Variants in FAM228B observed in about 807,000 individuals in gnomAD.
FAM228B encodes family with sequence similarity 228 member B.
Under a neutral mutation model 42.6 loss-of-function variants are expected in FAM228B, and 38 were observed. That is an observed-to-expected ratio of 0.89 (90% CI 0.69 to 1.17). FAM228B has a LOEUF of 1.17. Ranked by LOEUF, FAM228B falls within the 50% of genes most tolerant of loss-of-function variation. The pLI is 0.00. For synonymous variants in FAM228B, 109 were observed against 122.3 expected (o/e 0.89, Z 0.72); for missense variants, 344 against 367.3 (o/e 0.94, Z 0.52).
Position 24,077,963 on chromosome 2 carries a change from T to C in FAM228B, c.-290+994T>C, listed in dbSNP as rs1272893735. On this transcript the variant is annotated intron_variant, in intron 1 of 10. Transcript: ENST00000613899. The surrounding 1 kb of genome is among the most constrained non-coding windows in gnomAD (Gnocchi z 5.5). ...CTCAGAATATGTCCGATAGGTATATTGTTAATTTTGAGGTGAAAGCATTGG... is the reference window on the plus strand; with the variant it reads ...CTCAGAATATGTCCGATAGGTATATCGTTAATTTTGAGGTGAAAGCATTGG... 1.3e-5 allele frequency among the ~76,000 whole-genome samples: 2 copies of C among 152,188 alleles called. No homozygotes were observed. The highest frequency in any genetic ancestry group is 2.4e-5 in the African/African-American group (1 of 41,442).
At chr2:24,147,916 C>CTT (rs34823316) in intron 7 of FAM228B, among the ~76,000 whole-genome samples, 12 of 119,198 alleles carry the variant, frequency 1.0e-4, no homozygotes, top group African/African-American at 2.2e-4. Flanking sequence ...TTTGCCTTGC[C>CTT]TTTTTTTTTT....
chr2:24,108,055 A>G (rs1265713630), intron 3 of FAM228B, among the ~76,000 whole-genome samples: 1 of 152,222 alleles, frequency 6.6e-6, no homozygotes, highest in East Asian at 1.9e-4. Flanking sequence ...AAACGAGAGA[A>G]GATCCAAATA....
chr2:24,147,524 A>T (rs914363590), intron 7 of FAM228B, among the ~76,000 whole-genome samples: 1 of 152,088 alleles, frequency 6.6e-6, no homozygotes, highest in Non-Finnish European at 1.5e-5. Context: ...TATGTATATT[A>T]GATCACTTGA....
chr2:24,128,887 A>C (rs927903318), intron 2 of FAM228B, among the ~76,000 whole-genome samples: 4 of 151,806 alleles, frequency 2.6e-5, no homozygotes, highest in African/African-American at 9.7e-5. Context: ...AAACCTCTCC[A>C]AATACTCTAC....
rs1488149068 is a variant in FAM228B, at chr2:24,084,670, C to T, written c.-210+3715C>T. 1.4e-5 allele frequency: 3 copies of T among 213,484 alleles called. No individual in the cohort carries two copies. The highest frequency in any genetic ancestry group is 2.8e-5 in the Non-Finnish European group (3 of 108,304). The allele number at this position is 213,484 out of a possible 1,614,324, so 13.2% of individuals were successfully genotyped here. A position where few individuals can be genotyped will look rare whatever the true frequency, so the allele number is the denominator to read the frequency against. On this transcript the variant is annotated intron_variant, in intron 2 of 10. Coordinates refer to the FAM228B transcript ENST00000613899. The surrounding 1 kb of genome is among the most constrained non-coding windows in gnomAD (Gnocchi z 8.4). ...CGAAGAGGATCAGGCAAATCACACT[C>T]CCTCTGAGTTGGAAGCCCCCAGCCC...
chr2:24,130,581 T>C (rs1318424321), intron 2 of FAM228B, among the ~76,000 whole-genome samples: 1 of 152,206 alleles, frequency 6.6e-6, no homozygotes, highest in Non-Finnish European at 1.5e-5. Flanking sequence ...ATTTTTTTCA[T>C]GTGTTTGTTG....
chr2:24,145,407 C>G (rs1163470291), intron 5 of FAM228B, among the ~76,000 whole-genome samples: 1 of 152,210 alleles, frequency 6.6e-6, no homozygotes, highest in Admixed American at 6.5e-5. Flanking sequence ...TATACTGTTG[C>G]ACGCACCCAG....
intron 3 of FAM228B, among the ~76,000 whole-genome samples, chr2:24,104,147 T>G (rs1438415619): frequency 5.3e-5 from 8 of 152,160 alleles, no homozygotes; most frequent in Non-Finnish European, 7.4e-5. Flanking sequence ...GGGCTCAGCA[T>G]GGAGCCAGGA....
intron 7 of FAM228B, among the ~76,000 whole-genome samples, chr2:24,156,690 A>C (rs1207394667): frequency 6.6e-6 from 1 of 151,592 alleles, no homozygotes; most frequent in African/African-American, 2.4e-5. Flanking sequence ...CATAAACCAA[A>C]TTCCCATTCT....
chr2:24,099,235 C>T (rs1380757480), intron 3 of FAM228B, among the ~76,000 whole-genome samples: 3 of 152,120 alleles, frequency 2.0e-5, no homozygotes, highest in African/African-American at 7.2e-5. Context: ...ACAAGGATTC[C>T]ACTCCTACGC....
intron 2 of FAM228B, among the ~76,000 whole-genome samples, chr2:24,126,718 C>T (rs922814678): frequency 4.2e-4 from 63 of 151,762 alleles, no homozygotes; most frequent in Non-Finnish European, 1.3e-4. Flanking sequence ...TCACGCCATT[C>T]TCCTGCCTCA....
intron 7 of FAM228B, among the ~76,000 whole-genome samples, chr2:24,158,878 C>T (rs1667223559): frequency 6.6e-6 from 1 of 152,158 alleles, no homozygotes; most frequent in South Asian, 2.1e-4. Flanking sequence ...CTTGAAATGA[C>T]AGGAATCTAT....
chr2:24,143,686 G>T (rs1232937705), intron 5 of FAM228B, among the ~76,000 whole-genome samples: 1 of 152,002 alleles, frequency 6.6e-6, no homozygotes, highest in Non-Finnish European at 1.5e-5. Context: ...TCAGGAAATA[G>T]AGTTATTTTT....
intron 3 of FAM228B, among the ~76,000 whole-genome samples, chr2:24,115,939 A>G (rs1297094104): frequency 2.0e-5 from 3 of 150,614 alleles, no homozygotes; most frequent in Non-Finnish European, 4.4e-5. Flanking sequence ...TGAATAATGC[A>G]TATGGCTGGG....
chr2:24,146,937 A>G lies in FAM228B; in HGVS notation c.537A>G (p.Ile179Met), dbSNP rs1413592743. 3.9e-6 allele frequency: 6 copies of G among 1,550,934 alleles called. No individual in the cohort carries two copies. In the African/African-American group the frequency reaches 8.2e-5, roughly 21 times the overall value. Residue 179 changes from isoleucine (I) to methionine (M), a missense_variant, in exon 7 of 11, where the codon ATA (isoleucine) becomes ATG (methionine). Coordinates refer to ENST00000615575, the MANE Select transcript of FAM228B (RefSeq NM_001145710.2). ...TTTTTATTCTTCCTTCAGGCAAAAT[A>G]TATTCAATAAAGGAATTCAAAGAAG... ...RTLLQCETGK[I>M]YSIKEFKEVE...
intron 7 of FAM228B, among the ~76,000 whole-genome samples, chr2:24,160,574 A>T (rs1297831653): frequency 6.6e-6 from 1 of 151,956 alleles, no homozygotes; most frequent in African/African-American, 2.4e-5. Context: ...TGATATTAAG[A>T]TTTTAATTTC....
At chr2:24,168,496 G>A (rs1004525846) in intron 10 of FAM228B, among the ~76,000 whole-genome samples, 17 of 152,172 alleles carry the variant, frequency 1.1e-4, no homozygotes, top group Admixed American at 3.9e-4. Context: ...GGAGATATAG[G>A]CCTAACTGCT....
intron 5 of FAM228B, among the ~76,000 whole-genome samples, chr2:24,142,934 AT>A (rs1666790132): frequency 6.6e-6 from 1 of 152,314 alleles, no homozygotes; most frequent in East Asian, 1.9e-4. Context: ...CCATGATCCA[AT>A]TTTCCCCCAA....
upstream of FAM228B, among the ~76,000 whole-genome samples, chr2:24,121,459 CACTT>C (rs1330074472): frequency 6.6e-6 from 1 of 152,180 alleles, no homozygotes; most frequent in African/African-American, 2.4e-5. Context: ...CACTTCGTGA[CACTT>C]ACAAATTATA....
Sources: allele counts gnomAD v4.1 joint callset (sites outside exome capture counted in the v4.1 genomes callset), GRCh38; gene constraint gnomAD v4.1.1; non-coding constraint Gnocchi (gnomAD v3.1); transcripts MANE v1.5; gene names NCBI Gene and HGNC (gene_info 2026-07-23, HGNC 2026-07-21).